CERKL: variants seen among roughly 807,000 people sequenced by gnomAD.
CERKL encodes the protein ceramide kinase-like protein.
CERKL carries 61 observed loss-of-function variants against 63.4 expected under a neutral mutation model. That is an observed-to-expected ratio of 0.96 (90% confidence interval 0.78 to 1.19). CERKL has a LOEUF of 1.19. CERKL is among the 50% of genes most tolerant of loss of function. The probability of loss-of-function intolerance (pLI) is 0.00; values close to 1 mark genes in which losing one functional copy is unlikely to be tolerated. For missense variants in CERKL, 675 were observed against 655.5 expected (o/e 1.03, Z -0.33); for synonymous variants, 250 against 230.5 (o/e 1.08, Z -0.77).
chr2:181,619,923 G>A (rs1686374950), intron 1 of CERKL, among the ~76,000 whole-genome samples: 1 of 152,160 alleles, frequency 6.6e-6, no homozygotes, highest in Non-Finnish European at 1.5e-5. Context: ...TAGTGGGAGA[G>A]GTTAGAGAAA....
In CERKL at chr2:181,603,887, CTTAAA is replaced by C. The variant is rs1347692516; in HGVS notation, c.426_430del (p.Asn142LysfsTer2). 2.5e-6 allele frequency: 4 copies of C among 1,613,140 alleles called. No homozygotes were observed. Among genetic ancestry groups the C allele is most frequent in the Non-Finnish European group, 3.4e-6 (4 of 1,179,398 alleles). ...AAACCATATGTCACAGTGGTCTTCACTTAAATTAATAAGATCAAGTGTAGAATTCT... is the reference window on the plus strand; with the variant it reads ...AAACCATATGTCACAGTGGTCTTCACTTAATAAGATCAAGTGTAGAATTCT... On this transcript the variant is annotated frameshift_variant, in exon 2 of 13. Transcript: ENST00000410087. LOFTEE classifies it high-confidence loss of function.
chr2:181,539,086 A>G lies in CERKL; in HGVS notation c.1538+6T>C. ...TGACAATAAGCGGTGAAATAAATAGACTTACCTAATATGGACCTCTGATGC... is the reference window on the plus strand; with the variant it reads ...TGACAATAAGCGGTGAAATAAATAGGCTTACCTAATATGGACCTCTGATGC... On this transcript the variant is annotated splice_donor_region_variant and intron_variant, in intron 12 of 12. Transcript: ENST00000410087. The G allele has an allele frequency of 6.4e-7, 1 of 1,565,458 alleles. No homozygotes were observed. The highest frequency in any genetic ancestry group is 1.1e-5 in the South Asian group (1 of 89,976).
Position 181,537,516 on chromosome 2 carries a change from A to C in CERKL, c.*668T>G. The C allele has an allele frequency of 2.2e-6, 1 of 449,618 alleles. No individual in the cohort carries two copies. The highest frequency in any genetic ancestry group is 2.0e-5 in the African/African-American group (1 of 49,910). The allele number at this position is 449,618 out of a possible 1,614,324, so 27.9% of individuals were successfully genotyped here. ...TTTTTGGCAGGTAGGCTATATAACTATGTGATTTTGAAATTTAACTGCTCT... is the reference window on the plus strand; with the variant it reads ...TTTTTGGCAGGTAGGCTATATAACTCTGTGATTTTGAAATTTAACTGCTCT... On this transcript the variant is annotated 3_prime_UTR_variant, in exon 13 of 13. Transcript: ENST00000410087.
intron 11 of CERKL, among the ~76,000 whole-genome samples, chr2:181,542,303 C>T (rs1345410591): frequency 6.6e-6 from 1 of 152,178 alleles, no homozygotes; most frequent in Non-Finnish European, 1.5e-5. Flanking sequence ...CAGTGTTATA[C>T]AGTAACATTC....
chr2:181,653,009 G>A lies in CERKL; in HGVS notation c.238+3760C>T, dbSNP rs1044611947. ...AGGATGGTCTCGATCTTCTGACCTC[G>A]TGATCTGCCCGCCTCGGCCTCCCAA... On this transcript the variant is annotated intron_variant, in intron 1 of 12. Coordinates refer to ENST00000410087, the MANE Select transcript of CERKL (RefSeq NM_201548.5). Among the ~76,000 whole-genome samples, 6 of 152,262 alleles carry A rather than the reference G, an allele frequency of 3.9e-5. No individual in the cohort carries two copies. The South Asian group carries it at 6.2e-4, about 16-fold the overall frequency.
At position 181,558,743 on chromosome 2, in the gene CERKL, C is replaced by T. The variant is rs773354519; in HGVS notation, c.678-35G>A. 3.7e-6 allele frequency: 6 copies of T among 1,609,844 alleles called. No individual in the cohort carries two copies. In the African/African-American group the frequency reaches 4.0e-5, roughly 11 times the overall value. ...TACAAATCAAGCAAAGAAGGCAAAA[C>T]TTCAGAATGATTGGTAATAAGTCAT... On this transcript the variant is annotated intron_variant, in intron 4 of 12. Transcript: ENST00000410087. The surrounding 1 kb of genome is among the most constrained non-coding windows in gnomAD (Gnocchi z 4.2).
chr2:181,595,106 G>A (rs2105881790), intron 2 of CERKL, among the ~76,000 whole-genome samples: 1 of 152,262 alleles, frequency 6.6e-6, no homozygotes, highest in African/African-American at 2.4e-5. Flanking sequence ...TTGAGTCAAT[G>A]TTTTATCTAA....
chr2:181,657,047 G>A lies in CERKL; in HGVS notation c.-41C>T. The stretch of plus-strand genomic sequence containing the variant: ...TGGGCCCGAGCCAGGGGTCCGGGGA[G>A]GCCTTTGGAGAAGGAGGTGGAGGGC... On this transcript the variant is annotated 5_prime_UTR_variant, in exon 1 of 13. Coordinates refer to ENST00000410087, the MANE Select transcript of CERKL (RefSeq NM_201548.5). The A allele has an allele frequency of 4.6e-6, 7 of 1,530,822 alleles. No homozygotes were observed. Among genetic ancestry groups the A allele is most frequent in the South Asian group, 1.2e-5 (1 of 85,668 alleles). The allele number at this position is 1,530,822 out of a possible 1,614,324, so 94.8% of individuals were successfully genotyped here. A position where few individuals can be genotyped will look rare whatever the true frequency, so the allele number is the denominator to read the frequency against.
chr2:181,540,975 C>G (rs1352497363), intron 11 of CERKL, among the ~76,000 whole-genome samples: 1 of 152,158 alleles, frequency 6.6e-6, no homozygotes, highest in East Asian at 1.9e-4. Flanking sequence ...GAAGCATTTA[C>G]AAAACTAGAG....
chr2:181,639,651 T>C (rs1434582620), intron 1 of CERKL, among the ~76,000 whole-genome samples: 1 of 152,198 alleles, frequency 6.6e-6, no homozygotes, highest in Non-Finnish European at 1.5e-5. Flanking sequence ...TCAGATAGAC[T>C]CTTGCTTGCT....
chr2:181,561,107 AT>A lies in CERKL; in HGVS notation c.678-2400del, dbSNP rs535345327. 5.9e-5 allele frequency among the ~76,000 whole-genome samples: 9 copies of A among 152,244 alleles called. No individual in the cohort carries two copies. In the East Asian group the frequency reaches 1.7e-3, roughly 29 times the overall value. ...CTTGTCTTTTGGAGTTTAGGCGCAA[AT>A]GGCCAGCACTGGCATTAAGATGTAA... On this transcript the variant is annotated intron_variant, in intron 4 of 12. Transcript: ENST00000410087.
chr2:181,609,638 G>A (rs906711167), intron 1 of CERKL, among the ~76,000 whole-genome samples: 3 of 151,166 alleles, frequency 2.0e-5, no homozygotes, highest in African/African-American at 7.3e-5. Flanking sequence ...CCCAGGAGGC[G>A]GAGGTTGCAG....
At chr2:181,564,786 G>T (rs191956204) in intron 4 of CERKL, among the ~76,000 whole-genome samples, 200 of 152,228 alleles carry the variant, frequency 1.3e-3, no homozygotes, top group Non-Finnish European at 1.8e-3. Flanking sequence ...TCTAGTGAGG[G>T]ACTATGCAGC....
At chr2:181,586,163 A>T (rs533762344) in intron 2 of CERKL, among the ~76,000 whole-genome samples, 1 of 152,318 alleles carries the variant, frequency 6.6e-6, no homozygotes, top group African/African-American at 2.4e-5. Context: ...ATTGCAAGAA[A>T]ATTGATAAAA....
chr2:181,634,227 T>C (rs1687081256), intron 1 of CERKL, among the ~76,000 whole-genome samples: 2 of 152,124 alleles, frequency 1.3e-5, no homozygotes, highest in African/African-American at 2.4e-5. Context: ...AAAAAGTGAC[T>C]GACAGGTCAA....
chr2:181,604,111 C>T (rs1472987875), intron 1 of CERKL, 32 bp from the exon 2 acceptor site: 1 of 1,543,906 alleles, frequency 6.5e-7, no homozygotes, highest in South Asian at 1.1e-5. Flanking sequence ...CAATTAAAAC[C>T]ATTGTGTTTC....
intron 3 of CERKL, among the ~76,000 whole-genome samples, chr2:181,572,780 C>CTTTTTTTTTTTTTTTTTT (rs5836800): frequency 2.3e-5 from 3 of 131,190 alleles, no homozygotes; most frequent in Admixed American, 1.6e-4. Context: ...ACAAAACTTG[C>CTTTTTTTTTTTTTTTTTT]TTTTTTTTTT....
intron 1 of CERKL, among the ~76,000 whole-genome samples, chr2:181,632,878 T>G (rs910440030): frequency 6.6e-6 from 1 of 151,992 alleles, no homozygotes; most frequent in African/African-American, 2.4e-5. Flanking sequence ...TTGGTCCTAC[T>G]CCAGTCCTAC....
At chr2:181,606,713 G>A (rs1685734366) in intron 1 of CERKL, among the ~76,000 whole-genome samples, 1 of 152,082 alleles carries the variant, frequency 6.6e-6, no homozygotes, top group East Asian at 1.9e-4. Flanking sequence ...CATTTCTACA[G>A]TCACCCAGTG....
Sources: gnomAD v4.1 joint callset for allele counts (sites outside exome capture counted in the v4.1 genomes callset) on GRCh38, gnomAD v4.1.1 for gene constraint, Gnocchi (gnomAD v3.1) non-coding constraint, MANE v1.5 for transcripts, NCBI Gene and HGNC (gene_info 2026-07-23, HGNC 2026-07-21) for gene names.